Variants in CNTN5 observed in about 807,000 individuals in gnomAD.
The protein encoded by CNTN5 is contactin-5.
In CNTN5, 77 loss-of-function variants were observed where a neutral mutation model predicts 129.1. That is an observed-to-expected ratio of 0.60 (90% CI 0.50 to 0.72). CNTN5 has a LOEUF of 0.72. Ranked by LOEUF, CNTN5 falls within the 30% of genes least tolerant of loss-of-function variation. The pLI is 0.00. For missense variants in CNTN5, 1,478 were observed against 1,328.8 expected (o/e 1.11, Z -1.75); for synonymous variants, 509 against 465.6 (o/e 1.09, Z -1.20).
At chr11:100,282,235 T>A (rs1422680693) in intron 18 of CNTN5, among the ~76,000 whole-genome samples, 3 of 152,222 alleles carry the variant, frequency 2.0e-5, no homozygotes, top group Non-Finnish European at 4.4e-5. Flanking sequence ...CTGCCTTTCG[T>A]GGGCAGGCTT....
chr11:99,622,283 T>A (rs1014966820), intron 3 of CNTN5, among the ~76,000 whole-genome samples: 1 of 152,170 alleles, frequency 6.6e-6, no homozygotes, highest in African/African-American at 2.4e-5. Flanking sequence ...CACGTGGCTG[T>A]CTTAAATGTA....
At chr11:100,275,883 T>C (rs533096549) in intron 18 of CNTN5, among the ~76,000 whole-genome samples, 1 of 152,328 alleles carries the variant, frequency 6.6e-6, no homozygotes, top group African/African-American at 2.4e-5. Flanking sequence ...AAGTGTTGAG[T>C]TATGTGCCTG....
intron 1 of CNTN5, among the ~76,000 whole-genome samples, chr11:99,279,808 A>G (rs1013275364): frequency 2.0e-5 from 3 of 151,848 alleles, no homozygotes; most frequent in Admixed American, 1.3e-4. Flanking sequence ...GATGCCAATC[A>G]AAAGTAACGC....
At chr11:99,408,635 A>T (rs924446753) in intron 2 of CNTN5, among the ~76,000 whole-genome samples, 1 of 152,136 alleles carries the variant, frequency 6.6e-6, no homozygotes, top group Non-Finnish European at 1.5e-5. Context: ...ATGTGTAAAC[A>T]TCCCTTTTAA....
intron 1 of CNTN5, among the ~76,000 whole-genome samples, chr11:99,192,417 G>A (rs1483471997): frequency 6.6e-6 from 1 of 151,264 alleles, no homozygotes; most frequent in Non-Finnish European, 1.5e-5. Context: ...TTTTTCCTAT[G>A]TTTTTCTTCA....
Position 99,814,689 on chromosome 11 carries a change from G to A in CNTN5, c.56-4855G>A, listed in dbSNP as rs376180253. Among the ~76,000 whole-genome samples, 6 of 152,104 alleles carry A rather than the reference G, an allele frequency of 3.9e-5. No homozygotes were observed. In the East Asian group the frequency reaches 1.2e-3, roughly 29 times the overall value. ...GAAATGGAGGGAGTTGAGGAAATGA[G>A]AGCAGGGTGAAAGAGAGTGAAAGAG... On this transcript the variant is annotated intron_variant, in intron 3 of 24. Coordinates refer to ENST00000524871, the MANE Select transcript of CNTN5 (RefSeq NM_014361.4).
intron 1 of CNTN5, among the ~76,000 whole-genome samples, chr11:99,228,081 G>A (rs117168767): frequency 0.017 from 2,647 of 151,896 alleles, 42 homozygotes; most frequent in African/African-American, 0.038. Flanking sequence ...TTTTGAAACT[G>A]TAAAGAGAAT....
At chr11:99,936,140 G>T (rs1415491995) in intron 7 of CNTN5, among the ~76,000 whole-genome samples, 2 of 152,066 alleles carry the variant, frequency 1.3e-5, no homozygotes, top group Admixed American at 1.3e-4. Flanking sequence ...TGTTTATAAG[G>T]CACAGTCATT....
At chr11:100,131,593 C>G (rs1025403400) in intron 13 of CNTN5, among the ~76,000 whole-genome samples, 4 of 151,078 alleles carry the variant, frequency 2.6e-5, no homozygotes, top group African/African-American at 7.3e-5. Flanking sequence ...AGATTGCCAA[C>G]AGAGAGTATA....
At chr11:99,845,726 T>G (rs1016363642) in intron 6 of CNTN5, among the ~76,000 whole-genome samples, 1 of 152,174 alleles carries the variant, frequency 6.6e-6, no homozygotes, top group Non-Finnish European at 1.5e-5. Context: ...AAAATAAACT[T>G]GATAAACTAG....
At chr11:100,045,376 G>A (rs7105250) in intron 9 of CNTN5, among the ~76,000 whole-genome samples, 17 of 151,694 alleles carry the variant, frequency 1.1e-4, no homozygotes, top group African/African-American at 3.6e-4. Flanking sequence ...CTATAATTAC[G>A]CATTGTGGGC....
chr11:100,072,789 C>T (rs1331633460), intron 12 of CNTN5, among the ~76,000 whole-genome samples: 7 of 152,024 alleles, frequency 4.6e-5, no homozygotes. Context: ...AAAATAGTTA[C>T]AGGATTCTTC....
At chr11:99,911,552 G>A (rs928931958) in intron 6 of CNTN5, among the ~76,000 whole-genome samples, 17 of 151,820 alleles carry the variant, frequency 1.1e-4, no homozygotes, top group Non-Finnish European at 2.1e-4. Flanking sequence ...TTTAACATAC[G>A]TAAGATACAA....
At chr11:99,620,076 A>G (rs1950891938) in intron 3 of CNTN5, among the ~76,000 whole-genome samples, 1 of 151,530 alleles carries the variant, frequency 6.6e-6, no homozygotes, top group East Asian at 1.9e-4. Context: ...GCTCTAAGCA[A>G]TGTTAATCTA....
intron 3 of CNTN5, among the ~76,000 whole-genome samples, chr11:99,678,057 T>C (rs937005909): frequency 3.3e-5 from 5 of 152,082 alleles, no homozygotes; most frequent in African/African-American, 4.8e-5. Flanking sequence ...TTGATACTTA[T>C]ATGTTTTTAT....
At chr11:99,762,347 G>A (rs1194271311) in intron 3 of CNTN5, among the ~76,000 whole-genome samples, 8 of 151,960 alleles carry the variant, frequency 5.3e-5, no homozygotes, top group East Asian at 3.9e-4. Context: ...GCCCATGCCT[G>A]TGTCCTGAAT....
intron 9 of CNTN5, among the ~76,000 whole-genome samples, chr11:100,041,261 C>T (rs949744909): frequency 4.6e-5 from 7 of 152,134 alleles, no homozygotes; most frequent in Non-Finnish European, 1.0e-4. Flanking sequence ...TGAACAAAAA[C>T]ATTTCCTGAC....
At chr11:99,264,611 A>G (rs928486971) in intron 1 of CNTN5, among the ~76,000 whole-genome samples, 1 of 152,104 alleles carries the variant, frequency 6.6e-6, no homozygotes, top group Non-Finnish European at 1.5e-5. Flanking sequence ...ATCATGCAAC[A>G]TAGTTTGAGA....
intron 1 of CNTN5, among the ~76,000 whole-genome samples, chr11:99,151,982 C>T (rs1182090963): frequency 6.6e-6 from 1 of 152,012 alleles, no homozygotes; most frequent in African/African-American, 2.4e-5. Flanking sequence ...AACAAACCTG[C>T]ATGTTCTGTA....
Sources: gnomAD v4.1 joint callset for allele counts (sites outside exome capture counted in the v4.1 genomes callset) on GRCh38, gnomAD v4.1.1 for gene constraint, MANE v1.5 for transcripts, NCBI Gene and HGNC (gene_info 2026-07-23, HGNC 2026-07-21) for gene names.